The following ABCA5 variants were observed in gnomAD, a reference collection of about 807,000 sequenced individuals.
The protein encoded by ABCA5 is cholesterol transporter ABCA5.
In ABCA5, 163 loss-of-function variants were observed where a neutral mutation model predicts 206.0. That is an observed-to-expected ratio of 0.79 (90% CI 0.70 to 0.90). The LOEUF is 0.90. Among genes scored for constraint, ABCA5 ranks in the 40% least tolerant of loss-of-function variants. The probability of loss-of-function intolerance (pLI) is 0.00; values close to 1 mark genes in which losing one functional copy is unlikely to be tolerated. For missense variants in ABCA5, 1,859 were observed against 1,912.9 expected (o/e 0.97, Z 0.53); for synonymous variants, 609 against 613.8 (o/e 0.99, Z 0.11).
At chr17:69,314,562 T>C (rs2075798693) in intron 1 of ABCA5, 132 bp from the exon 2 acceptor site, 2 of 585,226 alleles carry the variant, frequency 3.4e-6, no homozygotes, top group Non-Finnish European at 6.0e-6. Context: ...CTGTCTCTCT[T>C]AGGAAACTGG....
rs1176247593 is a variant in ABCA5, at chr17:69,300,930, G to T, written c.1267+209C>A. The stretch of plus-strand genomic sequence containing the variant: ...CTAGAGACTTAAGGCTTTCAAAACT[G>T]CTCTCTTTTTACACGATCTCTTTAT... On this transcript the variant is annotated intron_variant, in intron 9 of 38. Transcript: ENST00000392676. Among the ~76,000 whole-genome samples the T allele has an allele frequency of 2.6e-5, 4 of 152,096 alleles. No individual in the cohort carries two copies. In the East Asian group the frequency reaches 7.7e-4, roughly 29 times the overall value.
At chr17:69,313,956 C>A (rs765081270) in intron 2 of ABCA5, among the ~76,000 whole-genome samples, 1 of 152,034 alleles carries the variant, frequency 6.6e-6, no homozygotes, top group Non-Finnish European at 1.5e-5. Context: ...TACTCATGGG[C>A]AACTCAATCT....
intron 9 of ABCA5, among the ~76,000 whole-genome samples, chr17:69,299,394 A>G (rs12946776): frequency 0.39 from 58,919 of 151,436 alleles, 12,483 homozygotes; most frequent in Middle Eastern, 0.52. Flanking sequence ...TTAATTCACA[A>G]TTACAAAAAT....
At chr17:69,254,239 G>T in intron 32 of ABCA5, 76 bp downstream of exon 32, 1 of 1,215,852 alleles carries the variant, frequency 8.2e-7, no homozygotes, top group Non-Finnish European at 1.1e-6. Flanking sequence ...AGAAATGCTT[G>T]TTATGAAATT....
chr17:69,258,740 G>C (rs1383186368), intron 28 of ABCA5, among the ~76,000 whole-genome samples: 3 of 151,892 alleles, frequency 2.0e-5, no homozygotes, highest in African/African-American at 7.3e-5. Flanking sequence ...TAAATATGTA[G>C]TATTATCAAA....
rs1417603994 is a variant in ABCA5, at chr17:69,302,853, T to C, written c.984A>G (p.Gly328=). ...TPLFKKSKHV[G]IVEFFVTVAF... is the part of the protein sequence containing the mutation. ...CCACAGTAACAAAAAATTCAACTAT[T>C]CCCACATGTTTTGATTTTTTAAAAA... Residue 328 remains glycine (G), a synonymous_variant, in exon 8 of 39, where the codon GGA becomes GGG. Transcript: ENST00000392676. 1 of 1,584,968 alleles carries C rather than the reference T, an allele frequency of 6.3e-7. No homozygotes were observed. The highest frequency in any genetic ancestry group is 1.9e-5 in the Admixed American group (1 of 51,302).
Position 69,294,665 on chromosome 17 carries a change from C to T in ABCA5, c.1485G>A (p.Glu495=), listed in dbSNP as rs770301609. Residue 495 remains glutamate, a synonymous_variant, in exon 11 of 39, where the codon GAG becomes GAA. Coordinates refer to ENST00000392676, the MANE Select transcript of ABCA5 (RefSeq NM_172232.4). ...KTYRKKGENV[E]ALRNLSFDIY... ...AGGAAAACTACTTACTTCTCAAAGCCTCCACATTTTCACCCTTCTTTCTGT... is the reference window on the plus strand; with the variant it reads ...AGGAAAACTACTTACTTCTCAAAGCTTCCACATTTTCACCCTTCTTTCTGT... The T allele has an allele frequency of 3.1e-6, 5 of 1,605,860 alleles. No homozygotes were observed. In the Admixed American group the frequency reaches 8.4e-5, roughly 27 times the overall value.
chr17:69,250,136 C>A, intron 36 of ABCA5, 152 bp from the exon 37 acceptor site: 1 of 579,090 alleles, frequency 1.7e-6, no homozygotes. Flanking sequence ...ATAACATTTT[C>A]ATGCAAAACA....
intron 11 of ABCA5, 50 bp from the exon 12 acceptor site, chr17:69,291,376 C>G (rs763989225): frequency 8.7e-7 from 1 of 1,149,470 alleles, no homozygotes; most frequent in South Asian, 1.3e-5. Context: ...GTCTGTTCAG[C>G]TATGCATGAT....
chr17:69,281,659 T>C (rs1302780116), intron 18 of ABCA5, among the ~76,000 whole-genome samples: 1 of 152,190 alleles, frequency 6.6e-6, no homozygotes, highest in Non-Finnish European at 1.5e-5. Flanking sequence ...ATCATAAACG[T>C]AGGACTACAG....
intron 8 of ABCA5, 146 bp from the exon 9 acceptor site, chr17:69,301,432 T>C: frequency 2.0e-6 from 1 of 502,338 alleles, no homozygotes; most frequent in Non-Finnish European, 3.3e-6. Context: ...AAATTAATAA[T>C]ATAAATTTAT....
At position 69,245,634 on chromosome 17, in the gene ABCA5, T is replaced by C. The variant is rs996352216; in HGVS notation, c.*1903A>G. ...TATAAAAACTAAAAAAAAATTTGAA[T>C]GTCTTTTAAAATTGTTTACAAGAGC... On this transcript the variant is annotated 3_prime_UTR_variant, in exon 39 of 39. Coordinates refer to ENST00000392676, the MANE Select transcript of ABCA5 (RefSeq NM_172232.4). 5.3e-5 allele frequency: 8 copies of C among 151,964 alleles called. No homozygotes were observed. Among genetic ancestry groups the C allele is most frequent in the Non-Finnish European group, 1.0e-4 (7 of 67,842 alleles). The allele number at this position is 151,964 out of a possible 1,614,324, so 9.4% of individuals were successfully genotyped here. A position where few individuals can be genotyped will look rare whatever the true frequency, so the allele number is the denominator to read the frequency against.
At chr17:69,305,823 A>T (rs1321836120) in intron 6 of ABCA5, among the ~76,000 whole-genome samples, 1 of 152,178 alleles carries the variant, frequency 6.6e-6, no homozygotes, top group Non-Finnish European at 1.5e-5. Context: ...GTGACCCATG[A>T]TCATGCCACT....
intron 18 of ABCA5, among the ~76,000 whole-genome samples, chr17:69,280,018 A>C (rs112422958): frequency 5.3e-5 from 8 of 152,124 alleles, no homozygotes; most frequent in African/African-American, 1.4e-4. Flanking sequence ...GCAACAAAAG[A>C]CAAAATTGAC....
At position 69,261,135 on chromosome 17, in the gene ABCA5, G is replaced by T; in HGVS notation, c.3554C>A (p.Ser1185Tyr). The T allele has an allele frequency of 1.3e-6, 2 of 1,568,016 alleles. No homozygotes were observed. The highest frequency in any genetic ancestry group is 1.7e-6 in the Non-Finnish European group (2 of 1,156,610). Residue 1185 changes from serine to tyrosine, a missense_variant, in exon 26 of 39, where the codon TCT becomes TAT. Physicochemically the swap from Ser to Tyr is moderately radical, Grantham distance 144 (BLOSUM62 -2). Coordinates refer to ENST00000392676, the MANE Select transcript of ABCA5 (RefSeq NM_172232.4). ...PIYPLLGCLISFIKISWKNVR... is the reference protein window; with the variant it reads ...PIYPLLGCLIYFIKISWKNVR... ...ATTTAGCAGAATTACCTTTATGAAAGAAATCAGGCAACCTAGAAGTGGATA... is the reference window on the plus strand; with the variant it reads ...ATTTAGCAGAATTACCTTTATGAAATAAATCAGGCAACCTAGAAGTGGATA...
intron 28 of ABCA5, among the ~76,000 whole-genome samples, chr17:69,259,473 C>T (rs535918249): frequency 4.6e-5 from 7 of 151,994 alleles, no homozygotes; most frequent in African/African-American, 1.7e-4. Flanking sequence ...AGCATATTTC[C>T]ATTGTCCAGT....
chr17:69,304,899 C>A, intron 6 of ABCA5, 89 bp from the exon 7 acceptor site: 2 of 1,212,172 alleles, frequency 1.6e-6, no homozygotes, highest in Admixed American at 2.9e-5. Context: ...TAGATTTTAG[C>A]CATTTTATTC....
intron 18 of ABCA5, among the ~76,000 whole-genome samples, chr17:69,281,490 C>T (rs1296984464): frequency 6.6e-6 from 1 of 152,136 alleles, no homozygotes; most frequent in Non-Finnish European, 1.5e-5. Context: ...AGAATGCCCA[C>T]TTCATCATTT....
rs549512119 is a variant in ABCA5 at position 69,273,563 on chromosome 17, C to T, written c.2764+396G>A. Reference sequence around the variant, plus strand: ...CTCCGCCTCCCGGGTTCAAGCGATTCTCCTGCCTCAGCCTCCCGAGTACCT... The same window carrying T: ...CTCCGCCTCCCGGGTTCAAGCGATTTTCCTGCCTCAGCCTCCCGAGTACCT... On this transcript the variant is annotated intron_variant, in intron 20 of 38. Coordinates refer to ENST00000392676, the MANE Select transcript of ABCA5 (RefSeq NM_172232.4). Among the ~76,000 whole-genome samples, 12 of 151,660 alleles carry T rather than the reference C, an allele frequency of 7.9e-5. No homozygotes were observed. In the South Asian group the frequency reaches 2.5e-3, roughly 32 times the overall value.
Sources: allele counts gnomAD v4.1 joint callset (sites outside exome capture counted in the v4.1 genomes callset), GRCh38; gene constraint gnomAD v4.1.1; transcripts MANE v1.5; gene names NCBI Gene and HGNC (gene_info 2026-07-23, HGNC 2026-07-21).